PIWIL2: variants seen among roughly 807,000 people sequenced by gnomAD.
The protein encoded by PIWIL2 is piwi-like protein 2.
Under a neutral mutation model 116.5 loss-of-function variants are expected in PIWIL2, and 81 were observed. That is an observed-to-expected ratio of 0.70 (90% confidence interval 0.58 to 0.84). PIWIL2 has a LOEUF of 0.84. Ranked by LOEUF, PIWIL2 falls within the 40% of genes least tolerant of loss-of-function variation. The pLI, the probability that PIWIL2 is intolerant of heterozygous loss-of-function variation, is 0.00. For missense variants in PIWIL2, 1,272 were observed against 1,212.3 expected (o/e 1.05, Z -0.73); for synonymous variants, 489 against 429.5 (o/e 1.14, Z -1.71).
chr8:22,318,194 G>A lies in PIWIL2; in HGVS notation c.2322G>A (p.Arg774=). 2 of 1,612,988 alleles carry A rather than the reference G, an allele frequency of 1.2e-6. No homozygotes were observed. The highest frequency in any genetic ancestry group is 1.7e-6 in the Non-Finnish European group (2 of 1,178,982). ...GCACCCTCACAAAATGGTATTCCCG[G>A]GTGGTGTTCCAGATGCCGCATCAGG... is the stretch of plus-strand genomic sequence containing the variant. ...INLTLTKWYS[R]VVFQMPHQEI... Residue 774 remains arginine (R), a synonymous_variant, in exon 20 of 23, where the codon CGG becomes CGA. Transcript: ENST00000356766.
At chr8:22,318,664 A>G (rs1164488976) in intron 20 of PIWIL2, among the ~76,000 whole-genome samples, 1 of 152,178 alleles carries the variant, frequency 6.6e-6, no homozygotes, top group African/African-American at 2.4e-5. Context: ...CTTTACAGGA[A>G]GTCTGATGTG....
intron 7 of PIWIL2, among the ~76,000 whole-genome samples, chr8:22,287,961 A>G (rs1431459489): frequency 1.3e-5 from 2 of 152,198 alleles, no homozygotes; most frequent in Non-Finnish European, 2.9e-5. Context: ...ACATGAGAGG[A>G]ATGGTTGGAA....
intron 1 of PIWIL2, among the ~76,000 whole-genome samples, chr8:22,278,199 T>A (rs1295136113): frequency 6.7e-6 from 1 of 150,266 alleles, no homozygotes; most frequent in Non-Finnish European, 1.5e-5. Flanking sequence ...AAAGAAATTG[T>A]TTATAAACCA....
intron 20 of PIWIL2, among the ~76,000 whole-genome samples, chr8:22,336,892 A>G (rs1831992567): frequency 1.3e-5 from 2 of 152,206 alleles, no homozygotes; most frequent in African/African-American, 4.8e-5. Context: ...GAATCTGATA[A>G]CTAAGATCAG....
intron 19 of PIWIL2, 152 bp downstream of exon 19, chr8:22,316,485 C>G: frequency 3.5e-6 from 2 of 574,636 alleles, no homozygotes; most frequent in Non-Finnish European, 6.2e-6. Context: ...TTTTTTTTTT[C>G]GGGGGGGAGG....
chr8:22,307,283 A>G (rs961493092), intron 13 of PIWIL2, among the ~76,000 whole-genome samples: 18 of 151,824 alleles, frequency 1.2e-4, no homozygotes, highest in African/African-American at 4.1e-4. Flanking sequence ...TGGCCTCCCA[A>G]AGTGCTGGGA....
chr8:22,308,411 G>T (rs1831242134), intron 14 of PIWIL2, among the ~76,000 whole-genome samples: 1 of 152,062 alleles, frequency 6.6e-6, no homozygotes, highest in African/African-American at 2.4e-5. Context: ...CCAGCACTTT[G>T]GGAGGCTGAG....
At chr8:22,295,241 A>T (rs1431562676) in intron 10 of PIWIL2, among the ~76,000 whole-genome samples, 2 of 151,866 alleles carry the variant, frequency 1.3e-5, no homozygotes, top group African/African-American at 4.8e-5. Context: ...AGGCATGATC[A>T]TTGCTCACTG....
Position 22,283,134 on chromosome 8 carries a change from A to G in PIWIL2, c.526A>G (p.Thr176Ala), listed in dbSNP as rs937481204. 8 of 1,614,018 alleles carry G rather than the reference A, an allele frequency of 5.0e-6. No individual in the cohort carries two copies. In the African/African-American group the frequency reaches 9.3e-5, roughly 19 times the overall value. Residue 176 changes from threonine to alanine, a missense_variant, in exon 5 of 23, where the codon ACA (threonine) becomes GCA (alanine). Coordinates refer to ENST00000356766, the MANE Select transcript of PIWIL2 (RefSeq NM_018068.5). Reference sequence around the variant, plus strand: ...GGACAAGCCTCCCTGTACCTTCAGCACACCGTCCCGGGGTCCCCCGCAGCT... The same window carrying G: ...GGACAAGCCTCCCTGTACCTTCAGCGCACCGTCCCGGGGTCCCCCGCAGCT... ...EVDKPPCTFS[T>A]PSRGPPQLSS...
intron 20 of PIWIL2, among the ~76,000 whole-genome samples, chr8:22,330,639 G>A (rs778422371): frequency 7.9e-5 from 12 of 151,678 alleles, no homozygotes; most frequent in Non-Finnish European, 1.3e-4. Context: ...GGAGGTTGCA[G>A]TGAGCCGAGA....
intron 2 of PIWIL2, 111 bp from the exon 3 acceptor site, chr8:22,281,008 TA>T (rs1830486436): frequency 4.7e-6 from 3 of 639,262 alleles, no homozygotes; most frequent in Non-Finnish European, 8.2e-6. Context: ...CCTTTATTCT[TA>T]TAACATGTAT....
At position 22,356,207 on chromosome 8, in the gene PIWIL2, G is replaced by C. The variant is rs538390643; in HGVS notation, c.*702G>C. ...ATTAAGTCATTGCAAGTTGCCTGAA[G>C]AGAATTACTCAGGCAACTGGGAAAG... On this transcript the variant is annotated 3_prime_UTR_variant, in exon 23 of 23. Transcript: ENST00000356766. 1 of 152,164 alleles carries C rather than the reference G, an allele frequency of 6.6e-6. No homozygotes were observed. Among genetic ancestry groups the C allele is most frequent in the East Asian group, 1.9e-4 (1 of 5,198 alleles). 9.4% of individuals were successfully genotyped at this position (152,164 alleles called of 1,614,324 possible). A position where few individuals can be genotyped will look rare whatever the true frequency, so the allele number is the denominator to read the frequency against.
At chr8:22,285,644 CT>C (rs113534393) in intron 6 of PIWIL2, among the ~76,000 whole-genome samples, 1 of 148,884 alleles carries the variant, frequency 6.7e-6, no homozygotes, top group African/African-American at 2.5e-5. Context: ...CATACTATTT[CT>C]TTTTTTTTTC....
At chr8:22,284,121 G>A (rs1388662289) in intron 5 of PIWIL2, 41 bp from the exon 6 acceptor site, 4 of 1,090,364 alleles carry the variant, frequency 3.7e-6, no homozygotes, top group Non-Finnish European at 4.0e-6. Context: ...TTGTTTTTTT[G>A]TTTTTGATAT....
intron 4 of PIWIL2, 142 bp from the exon 5 acceptor site, chr8:22,282,892 G>A: frequency 2.9e-6 from 2 of 693,716 alleles, no homozygotes; most frequent in Admixed American, 2.2e-5. Flanking sequence ...GCCTGGCCTT[G>A]GCATATGTAG....
At position 22,304,797 on chromosome 8, in the gene PIWIL2, A is replaced by C. The variant is rs780270573; in HGVS notation, c.1384A>C (p.Ile462Leu). 2.5e-6 allele frequency: 4 copies of C among 1,612,872 alleles called. No homozygotes were observed. The highest frequency in any genetic ancestry group is 1.7e-4 in the Middle Eastern group (1 of 6,054). The change falls in exon 12 of 23, where the codon ATC (isoleucine) becomes CTC (leucine). Residue 462 changes from isoleucine to leucine, a missense_variant. Transcript: ENST00000356766. ...ACTCTGCTCTAGCAAAAATTATGGG[A>C]TCACAGTTAAGGAAGAGGACCAGCC... The part of the protein sequence containing the change: ...FLEYYSKNYG[I>L]TVKEEDQPLL...
chr8:22,337,401 A>G (rs548940417), intron 20 of PIWIL2, among the ~76,000 whole-genome samples: 14 of 152,298 alleles, frequency 9.2e-5, no homozygotes, highest in African/African-American at 3.4e-4. Flanking sequence ...TTATGATTGC[A>G]TAAAAATAAG....
At chr8:22,324,635 A>C (rs537460144) in intron 20 of PIWIL2, among the ~76,000 whole-genome samples, 1 of 152,352 alleles carries the variant, frequency 6.6e-6, no homozygotes, top group African/African-American at 2.4e-5. Flanking sequence ...GTTCTTGCTT[A>C]GAGCTTGTTA....
chr8:22,349,489 A>C (rs1392493642), intron 20 of PIWIL2, among the ~76,000 whole-genome samples: 1 of 150,766 alleles, frequency 6.6e-6, no homozygotes, highest in East Asian at 2.0e-4. Context: ...AGAAGGTGAG[A>C]TGATCATTTT....
Sources: allele counts gnomAD v4.1 joint callset (sites outside exome capture counted in the v4.1 genomes callset), GRCh38; gene constraint gnomAD v4.1.1; transcripts MANE v1.5; gene names NCBI Gene and HGNC (gene_info 2026-07-23, HGNC 2026-07-21).